NAV1: variants seen among roughly 807,000 people sequenced by gnomAD.
NAV1 encodes pore membrane and/or filament interacting like protein 3.
Under a neutral mutation model 175.2 loss-of-function variants are expected in NAV1, and 18 were observed. The observed-to-expected ratio is 0.10, with a 90% CI of 0.07 to 0.15. The LOEUF (loss-of-function observed/expected upper bound fraction) is 0.15. NAV1 is among the 10% of genes least tolerant of loss of function. The pLI is 1.00. For missense variants in NAV1, 1,731 were observed against 2,436.6 expected, an observed-to-expected ratio of 0.71 and a Z score of 6.10; for synonymous variants, 897 against 978.7, an observed-to-expected ratio of 0.92 and a Z score of 1.56.
At chr1:201,556,407 G>C (rs1254204546) in intron 1 of NAV1, among the ~76,000 whole-genome samples, 2 of 149,040 alleles carry the variant, frequency 1.3e-5, no homozygotes, top group Non-Finnish European at 3.0e-5. Flanking sequence ...GACAGAGGAA[G>C]ACCCTGTCTC....
Position 201,782,653 on chromosome 1 carries a change from G to A in NAV1, c.2141G>A (p.Arg714Lys), listed in dbSNP as rs1403867942. The change falls in exon 6 of 30, where the codon AGA (arginine) becomes AAA (lysine). Residue 714 changes from arginine (R) to lysine (K), a missense_variant. This residue lies in a region of NAV1 where 634 missense variants were observed against 766.8 expected (regional missense o/e 0.83). Coordinates refer to ENST00000367296, the Ensembl canonical transcript of NAV1. The surrounding 1 kb of genome is among the most constrained non-coding windows in gnomAD (Gnocchi z 5.4). ...AAGCAGGGAGGCCTTACGCCTTCCA[G>A]ACTGAAGGAGCCTACCAAGGTAGCC... 6.2e-7 allele frequency: 1 copy of A among 1,614,152 alleles called. No individual in the cohort carries two copies.
Position 201,810,557 on chromosome 1 carries a change from C to T in NAV1, c.4596C>T (p.Phe1532=), listed in dbSNP as rs753251607. 15 of 1,612,612 alleles carry T rather than the reference C, an allele frequency of 9.3e-6. No individual in the cohort carries two copies. Among genetic ancestry groups the T allele is most frequent in the South Asian group, 7.7e-5 (7 of 90,892 alleles). Residue 1532 remains phenylalanine, a synonymous_variant, in exon 24 of 30, where the codon TTC becomes TTT. Coordinates refer to ENST00000367296, the Ensembl canonical transcript of NAV1. The surrounding 1 kb of genome is among the most constrained non-coding windows in gnomAD (Gnocchi z 6.0). ...AGAAATGCGTCGACAGCCTGGTGTT[C>T]GAGACGCTGATCCCCAAGCCGATGA...
intron 1 of NAV1, among the ~76,000 whole-genome samples, chr1:201,579,318 G>C (rs1403626041): frequency 6.6e-6 from 1 of 151,996 alleles, no homozygotes; most frequent in African/African-American, 2.4e-5. Flanking sequence ...AGACCTCATC[G>C]CCATGTTGTT....
At chr1:201,544,284 A>C (rs1266088405) in intron 1 of NAV1, among the ~76,000 whole-genome samples, 2 of 152,134 alleles carry the variant, frequency 1.3e-5, no homozygotes, top group African/African-American at 2.4e-5. Context: ...GAGCTGATTT[A>C]CTCGCTGGAA....
At chr1:201,598,523 C>T (rs1403238226) in intron 2 of NAV1, among the ~76,000 whole-genome samples, 4 of 152,270 alleles carry the variant, frequency 2.6e-5, no homozygotes, top group South Asian at 2.1e-4. Context: ...GGTGAGGAAT[C>T]GGAACTGCCT....
exon 5 of NAV1, chr1:201,781,218 C>A (rs1464393326): frequency 6.8e-6 from 11 of 1,613,970 alleles, no homozygotes; most frequent in African/African-American, 2.7e-5. Context: ...TCAGCCTGGG[C>A]CACCCTGGTT....
In NAV1 at chr1:201,788,270, C is replaced by T. The variant is rs1558166697; in HGVS notation, c.2996-198C>T. 6.6e-6 allele frequency among the ~76,000 whole-genome samples: 1 copy of T among 152,102 alleles called. No individual in the cohort carries two copies. Among genetic ancestry groups the T allele is most frequent in the Admixed American group, 6.5e-5 (1 of 15,276 alleles). On this transcript the variant is annotated intron_variant, in intron 9 of 29. Transcript: ENST00000367296. This position sits in a 1 kb window ranked among gnomAD's most constrained non-coding sequence, Gnocchi z 5.7. ...CTTCTCCATTAGGGCTTGATCTCCC[C>T]AGGAGGGACCCCGCTCCTAACCACC...
At chr1:201,623,737 G>T (rs1668242990) in intron 1 of NAV1, 131 bp downstream of exon 3, 1 of 905,692 alleles carries the variant, frequency 1.1e-6, no homozygotes. Context: ...GATACAAAAA[G>T]AAGTTAGGTA....
intron 2 of NAV1, among the ~76,000 whole-genome samples, chr1:201,636,918 C>G (rs971558229): frequency 6.6e-6 from 1 of 152,158 alleles, no homozygotes; most frequent in African/African-American, 2.4e-5. Context: ...GGTGGCAAGC[C>G]CCTTGTGATG....
intron 3 of NAV1, among the ~76,000 whole-genome samples, chr1:201,770,677 T>C (rs1675517024): frequency 6.6e-6 from 1 of 152,094 alleles, no homozygotes; most frequent in East Asian, 1.9e-4. Context: ...CCACCATAGA[T>C]GAGGATAAGG....
chr1:201,764,276 G>A (rs1362774026), intron 3 of NAV1, among the ~76,000 whole-genome samples: 1 of 152,180 alleles, frequency 6.6e-6, no homozygotes, highest in Non-Finnish European at 1.5e-5. Flanking sequence ...AAATACCACA[G>A]GGCAGGTGGC....
intron 3 of NAV1, among the ~76,000 whole-genome samples, chr1:201,755,769 A>C (rs1286616585): frequency 6.6e-6 from 1 of 152,134 alleles, no homozygotes; most frequent in Admixed American, 6.6e-5. Context: ...CCTCCTCCTT[A>C]TGCCTGGCGT....
Position 201,812,393 on chromosome 1 carries a change from A to T in NAV1, c.5025-72A>T. The T allele has an allele frequency of 1.4e-6, 2 of 1,467,904 alleles. No individual in the cohort carries two copies. Among genetic ancestry groups the T allele is most frequent in the Admixed American group, 3.4e-5 (2 of 58,604 alleles). The allele number at this position is 1,467,904 out of a possible 1,614,324, so 90.9% of individuals were successfully genotyped here. ...GAGAAGCAGGCAGAAGGAGGGACAG[A>T]CTGGCAGGGGCTGAACCCTGACAAT... On this transcript the variant is annotated intron_variant, in intron 26 of 29. Coordinates refer to ENST00000367296, the Ensembl canonical transcript of NAV1. This position sits in a 1 kb window ranked among gnomAD's most constrained non-coding sequence, Gnocchi z 4.6.
chr1:201,798,695 C>CTTTTTTTTTTTTTT (rs764483919), intron 15 of NAV1: 2 of 69,476 alleles, frequency 2.9e-5, no homozygotes, highest in Non-Finnish European at 4.8e-5. Context: ...TTTTCTCTCT[C>CTTTTTTTTTTTTTT]TTTTTTTTTT....
At chr1:201,645,406 TGGGGGGA>T (rs553319292), upstream of NAV1, among the ~76,000 whole-genome samples, 108 of 47,092 alleles carry the variant, frequency 2.3e-3, no homozygotes, top group African/African-American at 9.0e-3. Context: ...TGTTGTGGGG[TGGGGGGA>T]GGGGGGAGGG....
At chr1:201,608,794 T>A (rs1355572499) in intron 2 of NAV1, among the ~76,000 whole-genome samples, 1 of 152,172 alleles carries the variant, frequency 6.6e-6, no homozygotes, top group Non-Finnish European at 1.5e-5. Flanking sequence ...ACCTGGCCTC[T>A]CCCTCCGTGC....
At chr1:201,818,463 G>A (rs901736148) in intron 29 of NAV1, among the ~76,000 whole-genome samples, 1 of 151,546 alleles carries the variant, frequency 6.6e-6, no homozygotes, top group African/African-American at 2.4e-5. Flanking sequence ...GGGAGGTGGA[G>A]CTTGCAGTGA....
chr1:201,749,131 G>A (rs1673947630), intron 3 of NAV1, among the ~76,000 whole-genome samples: 1 of 152,072 alleles, frequency 6.6e-6, no homozygotes, highest in Non-Finnish European at 1.5e-5. Flanking sequence ...CTGGGCAACA[G>A]AGTGAGACTC....
At chr1:201,642,525 T>TTTTCTTTCTTTCTTTCTATCTTTCTTTC (rs1668808396) in intron 2 of NAV1, among the ~76,000 whole-genome samples, 1 of 100,306 alleles carries the variant, frequency 1.0e-5, no homozygotes. Flanking sequence ...TTCTTTCTTT[T>TTTTCTTTCTTTCTTTCTATCTTTCTTTC]TTTCTTTCTT....
Sources: allele counts gnomAD v4.1 joint callset (sites outside exome capture counted in the v4.1 genomes callset), GRCh38; gene constraint gnomAD v4.1.1; regional missense constraint gnomAD v4.1.1; non-coding constraint Gnocchi (gnomAD v3.1); transcripts MANE v1.5; gene names NCBI Gene and HGNC (gene_info 2026-07-23, HGNC 2026-07-21).